The following TMEM272 variants were observed in gnomAD, a reference collection of about 807,000 sequenced individuals.
The protein encoded by TMEM272 is long intergenic non-protein coding RNA 282.
A neutral mutation model predicts 3.7 loss-of-function variants in TMEM272; 8 were observed. That is an observed-to-expected ratio of 2.17 (90% CI 1.27 to 3.91). The LOEUF (loss-of-function observed/expected upper bound fraction) is 3.91. Among genes scored for constraint, TMEM272 ranks in the 30% most tolerant of loss-of-function variants. TMEM272 has a pLI of 0.00. For missense variants in TMEM272, 166 were observed against 91.5 expected (o/e 1.81, Z -3.32); for synonymous variants, 63 against 39.8 (o/e 1.58, Z -2.20).
chr13:51,845,924 T>C (rs1277235772), upstream of TMEM272, among the ~76,000 whole-genome samples: 1 of 152,258 alleles, frequency 6.6e-6, no homozygotes. Flanking sequence ...TGGCGTCACA[T>C]GACTTAAAGG....
the TMEM272 span, among the ~76,000 whole-genome samples, chr13:51,927,400 A>G: frequency 1.3e-5 from 2 of 152,188 alleles, no homozygotes; most frequent in African/African-American, 2.4e-5. Context: ...GAAACAGCAG[A>G]GCAAGATTGT....
At chr13:51,887,478 T>C in the TMEM272 span, among the ~76,000 whole-genome samples, 1 of 152,194 alleles carries the variant, frequency 6.6e-6, no homozygotes, top group Non-Finnish European at 1.5e-5. Context: ...TTAACACAAT[T>C]TTTCATTTCG....
chr13:51,922,770 C>G, the TMEM272 span, among the ~76,000 whole-genome samples: 3 of 152,232 alleles, frequency 2.0e-5, no homozygotes, highest in Non-Finnish European at 2.9e-5. Flanking sequence ...TTCCTCGCCT[C>G]TTCCAGCTTC....
At chr13:51,846,849 G>T (rs367759335), upstream of TMEM272, among the ~76,000 whole-genome samples, 15 of 152,270 alleles carry the variant, frequency 9.9e-5, no homozygotes, top group East Asian at 1.2e-3. Flanking sequence ...GTAAGCTAAG[G>T]TTACTTTATT....
At chr13:51,906,869 C>G in the TMEM272 span, among the ~76,000 whole-genome samples, 1 of 152,226 alleles carries the variant, frequency 6.6e-6, no homozygotes, top group African/African-American at 2.4e-5. Context: ...GAAAGGGAAG[C>G]TATACCCTGA....
At chr13:51,827,216 T>C (rs1291408157) in intron 2 of TMEM272, among the ~76,000 whole-genome samples, 1 of 152,236 alleles carries the variant, frequency 6.6e-6, no homozygotes, top group Non-Finnish European at 1.5e-5. Context: ...TTCTTTCTGT[T>C]AATGCCACCA....
the TMEM272 span, among the ~76,000 whole-genome samples, chr13:51,924,946 T>C: frequency 2.0e-5 from 3 of 152,182 alleles, no homozygotes; most frequent in Non-Finnish European, 2.9e-5. Context: ...GTTTGGGAAA[T>C]GCGGATTTTA....
chr13:51,905,597 G>A, the TMEM272 span, among the ~76,000 whole-genome samples: 1 of 152,216 alleles, frequency 6.6e-6, no homozygotes, highest in Non-Finnish European at 1.5e-5. Flanking sequence ...GTCGACCCAA[G>A]CAGGAAGTGG....
the TMEM272 span, among the ~76,000 whole-genome samples, chr13:51,930,198 G>A: frequency 6.6e-6 from 1 of 151,334 alleles, no homozygotes; most frequent in Non-Finnish European, 1.5e-5. Flanking sequence ...TTTAAATTGA[G>A]AACAGTTAAT....
chr13:51,922,131 CT>C, the TMEM272 span, among the ~76,000 whole-genome samples: 1 of 152,224 alleles, frequency 6.6e-6, no homozygotes, highest in African/African-American at 2.4e-5. Flanking sequence ...TCAGTTCATC[CT>C]TTACAGACCA....
the TMEM272 span, among the ~76,000 whole-genome samples, chr13:51,867,907 G>A: frequency 2.0e-5 from 3 of 152,326 alleles, no homozygotes; most frequent in South Asian, 6.2e-4. Context: ...CCAGTGCAGA[G>A]AAAAGCTGCA....
chr13:51,848,266 C>A (rs986638196), upstream of TMEM272, among the ~76,000 whole-genome samples: 1 of 152,118 alleles, frequency 6.6e-6, no homozygotes, highest in Non-Finnish European at 1.5e-5. Context: ...GCGATTAATA[C>A]CCCCACTTCA....
the TMEM272 span, among the ~76,000 whole-genome samples, chr13:51,876,030 C>T: frequency 1.3e-5 from 2 of 152,232 alleles, no homozygotes; most frequent in African/African-American, 4.8e-5. Flanking sequence ...ATCTCTTTTT[C>T]TAAGTTGGAG....
At chr13:51,825,456 C>T (rs1341707676) in intron 3 of TMEM272, among the ~76,000 whole-genome samples, 1 of 152,088 alleles carries the variant, frequency 6.6e-6, no homozygotes, top group Admixed American at 6.5e-5. Context: ...CCATCTAGTT[C>T]GAAAACATTT....
At chr13:51,904,978 G>C in the TMEM272 span, among the ~76,000 whole-genome samples, 2 of 152,136 alleles carry the variant, frequency 1.3e-5, no homozygotes, top group Admixed American at 1.3e-4. Flanking sequence ...GTGTGCTGTG[G>C]GGTGTTTAAC....
upstream of TMEM272, among the ~76,000 whole-genome samples, chr13:51,845,785 T>G (rs1344164322): frequency 1.3e-5 from 2 of 152,256 alleles, no homozygotes; most frequent in Non-Finnish European, 2.9e-5. Context: ...GATTCTTTAT[T>G]GAAATGCAGA....
At chr13:51,843,870 G>C (rs184883631) in intron 1 of TMEM272, among the ~76,000 whole-genome samples, 148 of 152,310 alleles carry the variant, frequency 9.7e-4, no homozygotes, top group Admixed American at 3.9e-3. Context: ...CAAATGATAT[G>C]CTCAATGCAT....
At chr13:51,824,202 C>CAA (rs1956103871) in intron 3 of TMEM272, among the ~76,000 whole-genome samples, 1 of 152,128 alleles carries the variant, frequency 6.6e-6, no homozygotes, top group South Asian at 2.1e-4. Flanking sequence ...GCCATCTTTC[C>CAA]CCCTGTGTTC....
rs373380122 is a variant in TMEM272 at position 51,828,232 on chromosome 13, C to T, written c.59-1607G>A. The stretch of plus-strand genomic sequence containing the variant: ...TTGGGCTTTCTGTATTTATACAGAG[C>T]CCACTGTACCTGGCTTAATCTGCAA... On this transcript the variant is annotated intron_variant, in intron 2 of 4. Coordinates refer to ENST00000629372, the MANE Select transcript of TMEM272 (RefSeq NM_001351003.2). Among the ~76,000 whole-genome samples the T allele has an allele frequency of 5.3e-5, 8 of 152,166 alleles. No individual in the cohort carries two copies. The East Asian group carries it at 1.5e-3, about 29-fold the overall frequency.
Sources: allele counts gnomAD v4.1 joint callset (sites outside exome capture counted in the v4.1 genomes callset), GRCh38; gene constraint gnomAD v4.1.1; transcripts MANE v1.5; gene names NCBI Gene and HGNC (gene_info 2026-07-23, HGNC 2026-07-21).